Variants in KCNT2 observed in about 807,000 individuals in gnomAD.
KCNT2 encodes the protein potassium channel subfamily T member 2.
Under a neutral mutation model 153.8 loss-of-function variants are expected in KCNT2, and 67 were observed. The observed-to-expected ratio is 0.44, with a 90% confidence interval of 0.36 to 0.53. The LOEUF is 0.53. Among genes scored for constraint, KCNT2 ranks in the 20% least tolerant of loss-of-function variants. KCNT2 has a pLI of 0.00. For synonymous variants in KCNT2, 500 were observed against 458.8 expected (o/e 1.09, Z -1.15); for missense variants, 975 against 1,354.8 (o/e 0.72, Z 4.40).
At chr1:196,393,873 G>C (rs182507424) in intron 13 of KCNT2, among the ~76,000 whole-genome samples, 31 of 151,584 alleles carry the variant, frequency 2.0e-4, no homozygotes, top group African/African-American at 7.5e-4. Context: ...ACAAGAGCTT[G>C]ACAGAGAATA....
rs116017463 is a variant in KCNT2 at position 196,477,632 on chromosome 1, T to C, written c.384+1547A>G. Among the ~76,000 whole-genome samples the C allele has an allele frequency of 5.3e-3, 801 of 152,200 alleles. 6 individuals are homozygous for C. Among genetic ancestry groups the C allele is most frequent in the African/African-American group, 0.019 (772 of 41,532 alleles). On this transcript the variant is annotated intron_variant, in intron 5 of 27. Coordinates refer to ENST00000294725, the MANE Select transcript of KCNT2 (RefSeq NM_198503.5). ...GAGAAAGAAATTGATGTGCTAGATA[T>C]GAGTTCCCCAAAAACATAACCTTGA...
chr1:196,602,977 G>A (rs936512628), intron 1 of KCNT2, among the ~76,000 whole-genome samples: 5 of 150,668 alleles, frequency 3.3e-5, no homozygotes, highest in African/African-American at 1.2e-4. Context: ...TAGTAGAGAC[G>A]GGGTTTCACC....
At position 196,402,848 on chromosome 1, in the gene KCNT2, A is replaced by G. The variant is rs377336418; in HGVS notation, c.1186-4177T>C. Among the ~76,000 whole-genome samples the G allele has an allele frequency of 1.7e-4, 26 of 151,746 alleles. No homozygotes were observed. In the East Asian group the frequency reaches 5.1e-3, roughly 30 times the overall value. On this transcript the variant is annotated intron_variant, in intron 12 of 27. Coordinates refer to ENST00000294725, the MANE Select transcript of KCNT2 (RefSeq NM_198503.5). ...TTAACTCATGTCATTAGAGAGTTGC[A>G]AATTAAAACAGTAAGACATCACTAA... is the stretch of plus-strand genomic sequence containing the variant.
intron 22 of KCNT2, among the ~76,000 whole-genome samples, chr1:196,293,764 G>A (rs561084923): frequency 6.6e-6 from 1 of 151,244 alleles, no homozygotes; most frequent in African/African-American, 2.4e-5. Context: ...CATTGCTCTG[G>A]GCAATAATTT....
chr1:196,457,713 T>G (rs1676798765), intron 8 of KCNT2, among the ~76,000 whole-genome samples: 2 of 151,978 alleles, frequency 1.3e-5, no homozygotes. Context: ...CATTTATTAT[T>G]GATCGTTAAG....
intron 8 of KCNT2, among the ~76,000 whole-genome samples, chr1:196,452,192 G>A (rs538361087): frequency 2.0e-5 from 3 of 152,060 alleles, no homozygotes; most frequent in Admixed American, 1.3e-4. Flanking sequence ...TAAAAGGCAC[G>A]TAAAGCTTTT....
intron 1 of KCNT2, among the ~76,000 whole-genome samples, chr1:196,543,140 T>A (rs985545022): frequency 6.6e-6 from 1 of 152,196 alleles, no homozygotes; most frequent in African/African-American, 2.4e-5. Flanking sequence ...TATTGAGCTA[T>A]AATTCTTAAA....
intron 1 of KCNT2, among the ~76,000 whole-genome samples, chr1:196,518,364 T>A (rs1040319860): frequency 1.3e-5 from 2 of 150,870 alleles, no homozygotes; most frequent in African/African-American, 4.9e-5. Context: ...AAAGCCAGCA[T>A]AATAACTGGT....
intron 2 of KCNT2, 21 bp downstream of exon 2, chr1:196,492,241 G>T: frequency 2.1e-6 from 3 of 1,399,904 alleles, no homozygotes; most frequent in Non-Finnish European, 2.8e-6. Flanking sequence ...CGAACAGAGG[G>T]GAATGAAATG....
At chr1:196,515,218 G>T (rs1558029991) in intron 1 of KCNT2, among the ~76,000 whole-genome samples, 3 of 152,136 alleles carry the variant, frequency 2.0e-5, no homozygotes, top group Non-Finnish European at 4.4e-5. Context: ...AATAACTACA[G>T]CATGGTCCCA....
chr1:196,338,648 A>G, intron 16 of KCNT2, among the ~76,000 whole-genome samples: 1 of 152,144 alleles, frequency 6.6e-6, no homozygotes. Flanking sequence ...TGCTATCAAA[A>G]TTATATTTAA....
At chr1:196,356,674 A>C (rs1266913863) in intron 14 of KCNT2, among the ~76,000 whole-genome samples, 1 of 151,800 alleles carries the variant, frequency 6.6e-6, no homozygotes, top group Admixed American at 6.6e-5. Flanking sequence ...TTCACAGTGA[A>C]TTTCCCCAGA....
In KCNT2 at chr1:196,467,790, GAAAACAAAAC is replaced by G. The variant is rs745579572; in HGVS notation, c.460-14_460-5del. 17 of 1,583,384 alleles carry G rather than the reference GAAAACAAAAC, an allele frequency of 1.1e-5. No homozygotes were observed. Among genetic ancestry groups the G allele is most frequent in the African/African-American group, 2.7e-5 (2 of 74,318 alleles). ...TCCTTAAGGAAGGCCAGAATATCTG[GAAAACAAAAC>G]AAAACAAAACTAGACTTTTATCTCA... On this transcript the variant is annotated splice_region_variant and splice_polypyrimidine_tract_variant and intron_variant, in intron 6 of 27. Coordinates refer to ENST00000294725, the MANE Select transcript of KCNT2 (RefSeq NM_198503.5).
chr1:196,469,130 A>G (rs1365388071), intron 5 of KCNT2, 62 bp from the exon 6 acceptor site: 1 of 905,160 alleles, frequency 1.1e-6, no homozygotes, highest in Non-Finnish European at 1.8e-6. Context: ...AAAGGGGGAA[A>G]AAGACAGCAC....
intron 1 of KCNT2, among the ~76,000 whole-genome samples, chr1:196,574,032 ATACAG>A (rs1197307338): frequency 2.0e-5 from 3 of 152,030 alleles, no homozygotes; most frequent in African/African-American, 7.2e-5. Context: ...TAAAGGAACA[ATACAG>A]TATAGTGGAC....
In KCNT2 at chr1:196,227,341, A is replaced by G. The variant is rs969604733; in HGVS notation, c.*883T>C. The G allele has an allele frequency of 6.6e-6, 1 of 152,034 alleles. No homozygotes were observed. Among genetic ancestry groups the G allele is most frequent in the African/African-American group, 2.4e-5 (1 of 41,444 alleles). The allele number at this position is 152,034 out of a possible 1,614,324, so 9.4% of individuals were successfully genotyped here. A position where few individuals can be genotyped will look rare whatever the true frequency, so the allele number is the denominator to read the frequency against. ...TTACTATATAGATATATGAATAGGAAAGATGGTAAAGTTCAAGAGTCTAAG... is the reference window on the plus strand; with the variant it reads ...TTACTATATAGATATATGAATAGGAGAGATGGTAAAGTTCAAGAGTCTAAG... On this transcript the variant is annotated 3_prime_UTR_variant, in exon 28 of 28. Transcript: ENST00000294725.
Position 196,608,168 on chromosome 1 carries a change from T to A in KCNT2, c.95+47A>T, listed in dbSNP as rs968528281. The A allele has an allele frequency of 3.9e-6, 6 of 1,557,538 alleles. No individual in the cohort carries two copies. In the African/African-American group the frequency reaches 8.1e-5, roughly 21 times the overall value. The stretch of plus-strand genomic sequence containing the variant: ...CCACTTCGGCCCTCCCATTTCCGTC[T>A]CTTTTTCAGCAATATTTACAGAACA... On this transcript the variant is annotated intron_variant, in intron 1 of 27. Transcript: ENST00000294725.
intron 26 of KCNT2, among the ~76,000 whole-genome samples, chr1:196,243,178 T>A (rs1424190006): frequency 6.6e-6 from 1 of 152,170 alleles, no homozygotes; most frequent in Non-Finnish European, 1.5e-5. Flanking sequence ...TTGTGCTGAA[T>A]CCATGTTATT....
intron 18 of KCNT2, among the ~76,000 whole-genome samples, chr1:196,330,906 T>C (rs1333252942): frequency 1.3e-5 from 2 of 151,978 alleles, no homozygotes; most frequent in Non-Finnish European, 2.9e-5. Context: ...TGGTACCTTA[T>C]TTTTCTCTTT....
Sources: gnomAD v4.1 joint callset for allele counts (sites outside exome capture counted in the v4.1 genomes callset) on GRCh38, gnomAD v4.1.1 for gene constraint, MANE v1.5 for transcripts, NCBI Gene and HGNC (gene_info 2026-07-23, HGNC 2026-07-21) for gene names.